FOXP2: variants seen among roughly 807,000 people sequenced by gnomAD.
FOXP2 encodes forkhead box P2, also known as forkhead box protein P2.
A neutral mutation model predicts 115.8 loss-of-function variants in FOXP2; 12 were observed. The ratio of observed to expected loss-of-function variants is 0.10; its 90% CI spans 0.07 to 0.17. FOXP2 has a LOEUF of 0.17. FOXP2 is among the 10% of genes least tolerant of loss of function. The probability of loss-of-function intolerance (pLI) is 1.00; values close to 1 mark genes in which losing one functional copy is unlikely to be tolerated. For synonymous variants in FOXP2, 328 were observed against 297.7 expected (o/e 1.10, Z -1.05); for missense variants, 629 against 843.5 (o/e 0.75, Z 3.15).
At chr7:114,680,051 A>T (rs1028921965) in intron 16 of FOXP2, among the ~76,000 whole-genome samples, 5 of 152,166 alleles carry the variant, frequency 3.3e-5, no homozygotes, top group African/African-American at 1.2e-4. Context: ...CTTCAATTTC[A>T]GTTACTGACT....
chr7:114,576,488 A>G (rs750430627), intron 3 of FOXP2, among the ~76,000 whole-genome samples: 1 of 151,924 alleles, frequency 6.6e-6, no homozygotes, highest in Non-Finnish European at 1.5e-5. Context: ...TGAAATTTAT[A>G]ATGAATAATT....
rs568369530 is a variant in FOXP2 at position 114,114,088 on chromosome 7, G to A, written c.-247+26250G>A. On this transcript the variant is annotated intron_variant, in intron 1 of 19. Transcript: ENST00000635638. Reference sequence around the variant, plus strand: ...ATAAAACAAAAATGAAGGAAAACATGATTCAGTATAGAAAGTCAAAATGAG... The same window carrying A: ...ATAAAACAAAAATGAAGGAAAACATAATTCAGTATAGAAAGTCAAAATGAG... Among the ~76,000 whole-genome samples, 6 of 151,858 alleles carry A rather than the reference G, an allele frequency of 4.0e-5. No homozygotes were observed. In the South Asian group the frequency reaches 1.2e-3, roughly 32 times the overall value.
chr7:114,659,032 A>T (rs1585002632), intron 11 of FOXP2, among the ~76,000 whole-genome samples: 1 of 152,176 alleles, frequency 6.6e-6, no homozygotes, highest in East Asian at 1.9e-4. Context: ...AGAAGCAAAG[A>T]TTATAGCAGG....
intron 1 of FOXP2, among the ~76,000 whole-genome samples, chr7:114,204,911 G>A (rs1157523344): frequency 2.9e-5 from 1 of 34,906 alleles, no homozygotes. Flanking sequence ...TTGGTTGTGT[G>A]TGCCAAAAAA....
At chr7:114,376,302 G>A (rs1177954292) in intron 2 of FOXP2, among the ~76,000 whole-genome samples, 3 of 152,182 alleles carry the variant, frequency 2.0e-5, no homozygotes, top group Non-Finnish European at 4.4e-5. Context: ...TTAGAGAATG[G>A]ATTTTGGAAG....
intron 2 of FOXP2, among the ~76,000 whole-genome samples, chr7:114,303,651 G>A (rs1796930848): frequency 6.6e-6 from 1 of 151,898 alleles, no homozygotes; most frequent in East Asian, 1.9e-4. Context: ...TCTATTTGTT[G>A]TCTGCCTTAG....
At chr7:114,688,149 T>C (rs1585030591) in intron 16 of FOXP2, among the ~76,000 whole-genome samples, 2 of 150,882 alleles carry the variant, frequency 1.3e-5, no homozygotes, top group Non-Finnish European at 3.0e-5. Flanking sequence ...TTCCTTTCTT[T>C]TAATTTTTCC....
chr7:114,152,499 C>T (rs1792553023), intron 1 of FOXP2, among the ~76,000 whole-genome samples: 1 of 152,144 alleles, frequency 6.6e-6, no homozygotes, highest in Non-Finnish European at 1.5e-5. Flanking sequence ...CAAGAGTAGT[C>T]AAACCTGTTA....
chr7:114,300,756 GT>G lies in FOXP2; in HGVS notation c.-11+12655del, dbSNP rs200059715. ...AGAAACTGGAATTTTCACCTGGAAAGTTTTTTTTCATTGGTATCTGTACACT... is the reference window on the plus strand; with the variant it reads ...AGAAACTGGAATTTTCACCTGGAAAGTTTTTTTCATTGGTATCTGTACACT... On this transcript the variant is annotated intron_variant, in intron 2 of 17. Coordinates refer to the FOXP2 transcript ENST00000634411. 2.7e-3 allele frequency among the ~76,000 whole-genome samples: 405 copies of G among 151,812 alleles called. 3 individuals carry two copies. The highest frequency in any genetic ancestry group is 9.3e-3 in the African/African-American group (386 of 41,430).
At chr7:114,185,581 G>C (rs1023812432) in intron 1 of FOXP2, among the ~76,000 whole-genome samples, 1 of 152,128 alleles carries the variant, frequency 6.6e-6, no homozygotes, top group African/African-American at 2.4e-5. Context: ...AGAGTGAAAT[G>C]TCCATGTTCA....
chr7:114,323,787 G>C (rs1204434477), intron 2 of FOXP2, among the ~76,000 whole-genome samples: 1 of 151,898 alleles, frequency 6.6e-6, no homozygotes, highest in African/African-American at 2.4e-5. Context: ...CACTTATACT[G>C]TTGTTATTTT....
intron 1 of FOXP2, among the ~76,000 whole-genome samples, chr7:114,140,775 G>C (rs1233228367): frequency 6.6e-6 from 1 of 152,186 alleles, no homozygotes; most frequent in Non-Finnish European, 1.5e-5. Flanking sequence ...AACTAAAGGT[G>C]CTGGCTGCCC....
chr7:114,679,523 CAG>C (rs1807966091), intron 16 of FOXP2, among the ~76,000 whole-genome samples: 1 of 152,148 alleles, frequency 6.6e-6, no homozygotes, highest in Non-Finnish European at 1.5e-5. Flanking sequence ...AGCCTTTGAG[CAG>C]AGATTAAATT....
At position 114,285,161 on chromosome 7, in the gene FOXP2, T is replaced by TA. The variant is rs1796436135; in HGVS notation, c.-101-2855dup. Among the ~76,000 whole-genome samples the TA allele has an allele frequency of 1.3e-5, 2 of 152,098 alleles. 1 individual carries two copies. Among genetic ancestry groups the TA allele is most frequent in the Admixed American group, 1.3e-4 (2 of 15,234 alleles). ...ATTACCTGCACTGTACCCCTGAACTTAAAGTTTAAAAAATAAATAATAAAA... is the reference window on the plus strand; with the variant it reads ...ATTACCTGCACTGTACCCCTGAACTTAAAAGTTTAAAAAATAAATAATAAAA... On this transcript the variant is annotated intron_variant, in intron 1 of 17. Coordinates refer to the FOXP2 transcript ENST00000634411.
chr7:114,478,442 G>C (rs537452811), intron 2 of FOXP2, among the ~76,000 whole-genome samples: 49 of 151,854 alleles, frequency 3.2e-4, no homozygotes, highest in African/African-American at 1.1e-3. Flanking sequence ...TGGTTACAAA[G>C]AAAAAGTTGA....
At chr7:114,143,311 A>G (rs1792277307) in intron 1 of FOXP2, among the ~76,000 whole-genome samples, 1 of 152,138 alleles carries the variant, frequency 6.6e-6, no homozygotes, top group Admixed American at 6.5e-5. Flanking sequence ...GGCCTAATTT[A>G]TCACAGTCAT....
chr7:114,345,972 A>G (rs1471407513), intron 2 of FOXP2, among the ~76,000 whole-genome samples: 1 of 151,786 alleles, frequency 6.6e-6, no homozygotes, highest in African/African-American at 2.4e-5. Context: ...ATTTGGCTGC[A>G]TAGTTATAGT....
At chr7:114,281,853 A>G (rs1002503136) in intron 1 of FOXP2, among the ~76,000 whole-genome samples, 3 of 152,068 alleles carry the variant, frequency 2.0e-5, no homozygotes, top group African/African-American at 7.2e-5. Flanking sequence ...CTGTGAATGT[A>G]TCTTCTTAAT....
At chr7:114,310,503 T>A (rs533145284) in intron 2 of FOXP2, among the ~76,000 whole-genome samples, 1 of 151,440 alleles carries the variant, frequency 6.6e-6, no homozygotes, top group South Asian at 2.1e-4. Flanking sequence ...AGTAGCAGAT[T>A]AGCTGTCTTT....
Sources: allele counts gnomAD v4.1 joint callset (sites outside exome capture counted in the v4.1 genomes callset), GRCh38; gene constraint gnomAD v4.1.1; transcripts MANE v1.5; gene names NCBI Gene and HGNC (gene_info 2026-07-23, HGNC 2026-07-21).